The following OXR1 variants were observed in gnomAD, a reference collection of about 807,000 sequenced individuals.
The protein encoded by OXR1 is oxidation resistance protein 1.
In OXR1, 41 loss-of-function variants were observed where a neutral mutation model predicts 104.6. The observed-to-expected ratio is 0.39, with a 90% CI of 0.31 to 0.51. The LOEUF (loss-of-function observed/expected upper bound fraction) is 0.51. Ranked by LOEUF, OXR1 falls within the 20% of genes least tolerant of loss-of-function variation. The pLI, the probability that OXR1 is intolerant of heterozygous loss-of-function variation, is 0.77. For missense variants in OXR1, 955 were observed against 1,031.9 expected (o/e 0.93, Z 1.02); for synonymous variants, 348 against 348.4 (o/e 1.00, Z 0.01).
At chr8:106,671,093 A>G (rs1826923873) in intron 3 of OXR1, among the ~76,000 whole-genome samples, 1 of 150,826 alleles carries the variant, frequency 6.6e-6, no homozygotes, top group Non-Finnish European at 1.5e-5. Flanking sequence ...AACTAAAGAA[A>G]AACTTTAATT....
intron 9 of OXR1, 41 bp downstream of exon 9, chr8:106,707,186 T>C (rs993393251): frequency 1.3e-6 from 2 of 1,577,304 alleles, no homozygotes; most frequent in Non-Finnish European, 1.7e-6. Flanking sequence ...CATCCAATTG[T>C]ATGGTGTCTC....
chr8:106,350,473 T>C (rs2130305506), intron 1 of OXR1, among the ~76,000 whole-genome samples: 1 of 152,320 alleles, frequency 6.6e-6, no homozygotes, highest in South Asian at 2.1e-4. Context: ...TATAGACATG[T>C]TGCTGTGATA....
rs1164762219 is a variant in OXR1 at position 106,430,221 on chromosome 8, GCCAAC to G, written c.23+70586_23+70590del. On this transcript the variant is annotated intron_variant, in intron 2 of 16. Transcript: ENST00000517566. Reference sequence around the variant, plus strand: ...CTTTATGTGTTATGTAAACCAATGGGCCAACTTTTAGATAATCTTAAAAGGGAAAT... The same window carrying G: ...CTTTATGTGTTATGTAAACCAATGGGTTTTAGATAATCTTAAAAGGGAAAT... Among the ~76,000 whole-genome samples the G allele has an allele frequency of 5.9e-5, 9 of 152,240 alleles. No homozygotes were observed. The South Asian group carries it at 1.7e-3, about 28-fold the overall frequency.
intron 2 of OXR1, among the ~76,000 whole-genome samples, chr8:106,503,194 C>T (rs1251076164): frequency 3.9e-5 from 6 of 152,136 alleles, no homozygotes; most frequent in African/African-American, 1.4e-4. Flanking sequence ...CTTCCATTTA[C>T]ACCTTCTTTG....
intron 7 of OXR1, chr8:106,697,658 C>T (rs1158235987): frequency 2.5e-6 from 4 of 1,613,966 alleles, no homozygotes; most frequent in East Asian, 4.5e-5. Context: ...ATGTTCTTTC[C>T]TTCCCAGAGG....
chr8:106,658,094 C>T (rs2131064826), intron 3 of OXR1: 1 of 1,248,108 alleles, frequency 8.0e-7, no homozygotes, highest in Non-Finnish European at 1.0e-6. Context: ...AGGTGCGCTT[C>T]GAAGATTACC....
chr8:106,600,642 C>G (rs1305276087), intron 3 of OXR1, among the ~76,000 whole-genome samples: 1 of 152,186 alleles, frequency 6.6e-6, no homozygotes, highest in Non-Finnish European at 1.5e-5. Flanking sequence ...TTCCTTGAGA[C>G]TCTGTCCCTG....
At chr8:106,368,370 A>T (rs1816566119) in intron 2 of OXR1, among the ~76,000 whole-genome samples, 1 of 152,156 alleles carries the variant, frequency 6.6e-6, no homozygotes, top group South Asian at 2.1e-4. Context: ...TGAATAATTA[A>T]GGACATGGTA....
chr8:106,356,782 A>G (rs1284011294), intron 1 of OXR1, among the ~76,000 whole-genome samples: 2 of 152,130 alleles, frequency 1.3e-5, no homozygotes, highest in African/African-American at 4.8e-5. Flanking sequence ...TCCTAAAGAA[A>G]TGTCACAGGT....
intron 3 of OXR1, among the ~76,000 whole-genome samples, chr8:106,672,714 T>TGGA (rs1324700589): frequency 6.6e-6 from 1 of 152,070 alleles, no homozygotes; most frequent in Non-Finnish European, 1.5e-5. Flanking sequence ...AGAAACCAGG[T>TGGA]GGAGGGAATT....
intron 2 of OXR1, among the ~76,000 whole-genome samples, chr8:106,446,493 C>T (rs1820016479): frequency 6.6e-6 from 1 of 151,916 alleles, no homozygotes; most frequent in Non-Finnish European, 1.5e-5. Context: ...TGGTGTGTGC[C>T]TATAATCCCA....
intron 3 of OXR1, among the ~76,000 whole-genome samples, chr8:106,543,638 CA>C (rs1309284421): frequency 2.0e-5 from 3 of 152,254 alleles, no homozygotes; most frequent in East Asian, 1.9e-4. Flanking sequence ...CTTCTTAATA[CA>C]GGGAATTATA....
intron 3 of OXR1, among the ~76,000 whole-genome samples, chr8:106,604,403 G>A (rs1422021684): frequency 5.3e-5 from 8 of 152,046 alleles, no homozygotes; most frequent in African/African-American, 9.7e-5. Context: ...TAATCCACCC[G>A]CCTCGGCCTC....
chr8:106,424,185 C>T (rs1220128634), intron 2 of OXR1, among the ~76,000 whole-genome samples: 1 of 151,918 alleles, frequency 6.6e-6, no homozygotes, highest in Non-Finnish European at 1.5e-5. Flanking sequence ...TGATCCACCC[C>T]CCTCAGCCTC....
intron 1 of OXR1, among the ~76,000 whole-genome samples, chr8:106,356,089 G>A (rs370344339): frequency 3.3e-5 from 5 of 152,252 alleles, no homozygotes; most frequent in African/African-American, 1.2e-4. Context: ...GGCATGGTTG[G>A]TCAATTTGAT....
At chr8:106,508,876 A>G (rs569988948) in intron 2 of OXR1, among the ~76,000 whole-genome samples, 1 of 152,294 alleles carries the variant, frequency 6.6e-6, no homozygotes, top group Non-Finnish European at 1.5e-5. Flanking sequence ...GGCCCAGATT[A>G]TTATTACCTG....
intron 3 of OXR1, among the ~76,000 whole-genome samples, chr8:106,569,793 T>C (rs1817343842): frequency 6.6e-6 from 1 of 152,218 alleles, no homozygotes; most frequent in Non-Finnish European, 1.5e-5. Flanking sequence ...ACAATGCCCA[T>C]TTAAATTAAT....
chr8:106,288,304 C>A (rs1812583089), intron 1 of OXR1, among the ~76,000 whole-genome samples: 1 of 152,156 alleles, frequency 6.6e-6, no homozygotes, highest in African/African-American at 2.4e-5. Flanking sequence ...TGCCGACAGC[C>A]TGAGCATTCT....
At chr8:106,315,174 GT>G (rs1300813745) in intron 1 of OXR1, among the ~76,000 whole-genome samples, 1 of 151,204 alleles carries the variant, frequency 6.6e-6, no homozygotes, top group Non-Finnish European at 1.5e-5. Context: ...CAAGTTTTTT[GT>G]TTGTTTGTTT....
Sources: allele counts gnomAD v4.1 joint callset (sites outside exome capture counted in the v4.1 genomes callset), GRCh38; gene constraint gnomAD v4.1.1; transcripts MANE v1.5; gene names NCBI Gene and HGNC (gene_info 2026-07-23, HGNC 2026-07-21).